The following UBQLN4 variants were observed in gnomAD, a reference collection of about 807,000 sequenced individuals.
The protein encoded by UBQLN4 is ubiquilin-4.
In UBQLN4, 11 loss-of-function variants were observed where a neutral mutation model predicts 60.4. That is an observed-to-expected ratio of 0.18 (90% CI 0.11 to 0.30). The LOEUF is 0.30. Among genes scored for constraint, UBQLN4 ranks in the 10% least tolerant of loss-of-function variants. The pLI is 1.00. For missense variants in UBQLN4, 417 were observed against 795.5 expected, an observed-to-expected ratio of 0.52 and a Z score of 5.72; for synonymous variants, 258 against 313.1, an observed-to-expected ratio of 0.82 and a Z score of 1.86.
At chr1:156,042,305 A>G (rs1683588511) in intron 7 of UBQLN4, 69 bp from the exon 8 acceptor site, 1 of 1,500,274 alleles carries the variant, frequency 6.7e-7, no homozygotes, top group African/African-American at 1.4e-5. Flanking sequence ...ACAGCCTCAG[A>G]CTCCCTGGGC....
chr1:156,041,832 T>C (rs1438274405), intron 9 of UBQLN4, 40 bp downstream of exon 9: 8 of 1,560,788 alleles, frequency 5.1e-6, no homozygotes, highest in Non-Finnish European at 6.9e-6. Context: ...AGGGGAGAAG[T>C]TGCTAGAACC....
chr1:156,053,072 C>A (rs1683919273), intron 1 of UBQLN4, among the ~76,000 whole-genome samples: 1 of 152,198 alleles, frequency 6.6e-6, no homozygotes, highest in Non-Finnish European at 1.5e-5. Flanking sequence ...TTATTGAGCA[C>A]CTACTGCACA....
chr1:156,044,616 C>T (rs1341340403), intron 5 of UBQLN4, among the ~76,000 whole-genome samples: 1 of 152,108 alleles, frequency 6.6e-6, no homozygotes, highest in Non-Finnish European at 1.5e-5. Context: ...CCTGTGCACC[C>T]CCAGCCCCGA....
Position 156,036,308 on chromosome 1 carries a change from A to G in UBQLN4, c.*670T>C, listed in dbSNP as rs1269350857. On this transcript the variant is annotated 3_prime_UTR_variant, in exon 11 of 11. Transcript: ENST00000368309. ...TCTCATTCCCTCCTCTTTCACACGAATTTCCTCTGGGCTGCTCCAGCGTTT... is the reference window on the plus strand; with the variant it reads ...TCTCATTCCCTCCTCTTTCACACGAGTTTCCTCTGGGCTGCTCCAGCGTTT... The G allele has an allele frequency of 1.0e-6, 1 of 985,362 alleles. No homozygotes were observed. The highest frequency in any genetic ancestry group is 1.2e-6 in the Non-Finnish European group (1 of 829,964). 61.0% of individuals were successfully genotyped at this position (985,362 alleles called of 1,614,324 possible). A position where few individuals can be genotyped will look rare whatever the true frequency, so the allele number is the denominator to read the frequency against.
In UBQLN4 at chr1:156,048,404, G is replaced by C. The variant is rs1409905900; in HGVS notation, c.900+97C>G. On this transcript the variant is annotated intron_variant, in intron 5 of 10. Transcript: ENST00000368309. The surrounding 1 kb of genome is among the most constrained non-coding windows in gnomAD (Gnocchi z 4.9). The stretch of plus-strand genomic sequence containing the variant: ...CCAAGGCCCACCCCTCAGGGGACTG[G>C]GGAAAGAAAGAAGAGCAGGCCCAGG... The C allele has an allele frequency of 2.8e-6, 4 of 1,426,950 alleles. No individual in the cohort carries two copies. Among genetic ancestry groups the C allele is most frequent in the South Asian group, 1.4e-5 (1 of 73,500 alleles). 88.4% of individuals were successfully genotyped at this position (1,426,950 alleles called of 1,614,324 possible).
intron 1 of UBQLN4, 61 bp from the exon 2 acceptor site, chr1:156,051,918 T>A: frequency 1.2e-6 from 2 of 1,601,168 alleles, no homozygotes; most frequent in Admixed American, 3.4e-5. Context: ...CCAGGGACCC[T>A]GACTCTTTTT....
intron 5 of UBQLN4, among the ~76,000 whole-genome samples, chr1:156,047,242 A>ATTT (rs35659997): frequency 3.7e-5 from 5 of 133,746 alleles, no homozygotes; most frequent in South Asian, 2.4e-4. Flanking sequence ...TAACTTGTGA[A>ATTT]TTTTTTTTTT....
In UBQLN4 at chr1:156,035,924, C is replaced by T. The variant is rs1458972013; in HGVS notation, c.*1054G>A. On this transcript the variant is annotated 3_prime_UTR_variant, in exon 11 of 11. Transcript: ENST00000368309. ...GTATGCACACATGTGGATACACATGCACCTCCCCACTACTCACACAGACCC... is the reference window on the plus strand; with the variant it reads ...GTATGCACACATGTGGATACACATGTACCTCCCCACTACTCACACAGACCC... The T allele has an allele frequency of 3.0e-6, 3 of 985,348 alleles. No homozygotes were observed. Among genetic ancestry groups the T allele is most frequent in the African/African-American group, 1.7e-5 (1 of 57,202 alleles). 61.0% of individuals were successfully genotyped at this position (985,348 alleles called of 1,614,324 possible).
intron 5 of UBQLN4, among the ~76,000 whole-genome samples, chr1:156,044,477 G>A (rs563438445): frequency 3.3e-5 from 5 of 152,120 alleles, no homozygotes; most frequent in South Asian, 4.2e-4. Flanking sequence ...CCATCCCCCC[G>A]GTGGCTTTCA....
Position 156,050,597 on chromosome 1 carries a change from T to G in UBQLN4, c.479-44A>C. 1 of 1,562,384 alleles carries G rather than the reference T, an allele frequency of 6.4e-7. No homozygotes were observed. Among genetic ancestry groups the G allele is most frequent in the Non-Finnish European group, 8.7e-7 (1 of 1,153,316 alleles). ...GTCACAGTCTGCCACAAGAACAGTGTCCTCACTTAGCCAGAGCCACTGAAT... is the reference window on the plus strand; with the variant it reads ...GTCACAGTCTGCCACAAGAACAGTGGCCTCACTTAGCCAGAGCCACTGAAT... On this transcript the variant is annotated intron_variant, in intron 3 of 10. Coordinates refer to ENST00000368309, the MANE Select transcript of UBQLN4 (RefSeq NM_020131.5). This position sits in a 1 kb window ranked among gnomAD's most constrained non-coding sequence, Gnocchi z 4.6.
chr1:156,032,747 C>T (rs1683317487), downstream of UBQLN4, among the ~76,000 whole-genome samples: 1 of 152,134 alleles, frequency 6.6e-6, no homozygotes, highest in Non-Finnish European at 1.5e-5. Context: ...TCTCCGCCAA[C>T]GACAGAGGCG....
chr1:156,042,965 A>T, intron 6 of UBQLN4, 52 bp from the exon 7 acceptor site: 1 of 1,587,832 alleles, frequency 6.3e-7, no homozygotes, highest in Non-Finnish European at 8.6e-7. Flanking sequence ...CCAGATGGAA[A>T]CCGAAGGCCT....
chr1:156,037,997 C>T (rs1185680339), intron 10 of UBQLN4, among the ~76,000 whole-genome samples: 1 of 152,196 alleles, frequency 6.6e-6, no homozygotes, highest in Non-Finnish European at 1.5e-5. Context: ...GCCTCTATCT[C>T]CTGGGCTCAG....
chr1:156,036,262 C>T lies in UBQLN4; in HGVS notation c.*716G>A. On this transcript the variant is annotated 3_prime_UTR_variant, in exon 11 of 11. Coordinates refer to ENST00000368309, the MANE Select transcript of UBQLN4 (RefSeq NM_020131.5). The stretch of plus-strand genomic sequence containing the variant: ...AAGCCTTTTACTCAGGCTGTCTCCC[C>T]CATTCCCTTCCTCCGAATAATCTCA... 1 of 985,676 alleles carries T rather than the reference C, an allele frequency of 1.0e-6. No individual in the cohort carries two copies. Among genetic ancestry groups the T allele is most frequent in the Non-Finnish European group, 1.2e-6 (1 of 830,012 alleles). 61.1% of individuals were successfully genotyped at this position (985,676 alleles called of 1,614,324 possible). A position where few individuals can be genotyped will look rare whatever the true frequency, so the allele number is the denominator to read the frequency against.
chr1:156,031,609 C>T (rs1464122436), downstream of UBQLN4, among the ~76,000 whole-genome samples: 1 of 144,730 alleles, frequency 6.9e-6, no homozygotes, highest in African/African-American at 2.6e-5. Context: ...GATGGAGTCT[C>T]GCTCTGTCAC....
intron 10 of UBQLN4, among the ~76,000 whole-genome samples, chr1:156,038,245 C>T (rs1038214182): frequency 3.9e-5 from 6 of 151,928 alleles, no homozygotes; most frequent in African/African-American, 1.5e-4. Flanking sequence ...GGTGTGGTGG[C>T]GCATGCCTGT....
chr1:156,041,736 C>A, intron 9 of UBQLN4, 65 bp from the exon 10 acceptor site: 1 of 1,462,192 alleles, frequency 6.8e-7, no homozygotes, highest in Non-Finnish European at 9.1e-7. Flanking sequence ...ATGTGAGATC[C>A]AGAAGGAAAA....
chr1:156,032,679 A>G (rs539092272), downstream of UBQLN4, among the ~76,000 whole-genome samples: 11 of 152,114 alleles, frequency 7.2e-5, no homozygotes, highest in East Asian at 1.9e-3. Context: ...TCACAGAGAG[A>G]TGGGCGCTTG....
intron 5 of UBQLN4, among the ~76,000 whole-genome samples, chr1:156,045,408 C>T (rs1683672570): frequency 6.6e-6 from 1 of 152,178 alleles, no homozygotes; most frequent in Non-Finnish European, 1.5e-5. Context: ...TCTGGGCTCG[C>T]TTTATTCTTC....
Sources: gnomAD v4.1 joint callset for allele counts (sites outside exome capture counted in the v4.1 genomes callset) on GRCh38, gnomAD v4.1.1 for gene constraint, Gnocchi (gnomAD v3.1) non-coding constraint, MANE v1.5 for transcripts, NCBI Gene and HGNC (gene_info 2026-07-23, HGNC 2026-07-21) for gene names.